Variants in ATXN7 observed in about 807,000 individuals in gnomAD.
ATXN7 encodes ataxin 7, also known as ataxin-7.
A neutral mutation model predicts 70.5 loss-of-function variants in ATXN7; 12 were observed. The ratio of observed to expected loss-of-function variants is 0.17; its 90% CI spans 0.11 to 0.28. The LOEUF is 0.28. Among genes scored for constraint, ATXN7 ranks in the 10% least tolerant of loss-of-function variants. The pLI, the probability that ATXN7 is intolerant of heterozygous loss-of-function variation, is 1.00. For synonymous variants in ATXN7, 498 were observed against 448.7 expected (o/e 1.11, Z -1.39); for missense variants, 1,256 against 1,131.7 (o/e 1.11, Z -1.58).
At chr3:63,958,612 T>TAAAAA (rs2075074521) in intron 5 of ATXN7, among the ~76,000 whole-genome samples, 2 of 152,366 alleles carry the variant, frequency 1.3e-5, no homozygotes, top group South Asian at 4.1e-4. Context: ...CAGATAGTTT[T>TAAAAA]TAACATGTCA....
At chr3:63,938,088 A>G (rs763824926) in intron 4 of ATXN7, among the ~76,000 whole-genome samples, 5 of 152,192 alleles carry the variant, frequency 3.3e-5, no homozygotes, top group Admixed American at 6.5e-5. Flanking sequence ...ATCAATCTGA[A>G]TTGTAGCTGG....
chr3:63,902,955 G>A (rs1260126209), intron 2 of ATXN7, among the ~76,000 whole-genome samples: 3 of 151,880 alleles, frequency 2.0e-5, no homozygotes, highest in Non-Finnish European at 2.9e-5. Context: ...CTAATAAAAA[G>A]TTCCTTTAAG....
intron 4 of ATXN7, among the ~76,000 whole-genome samples, chr3:63,945,890 A>G (rs1408680304): frequency 6.6e-6 from 1 of 152,238 alleles, no homozygotes; most frequent in African/African-American, 2.4e-5. Context: ...AAGAGCAGCA[A>G]GTACCACACA....
At chr3:63,912,116 G>T (rs897732145) in intron 2 of ATXN7, 1 of 152,236 alleles carries the variant, frequency 6.6e-6, no homozygotes. Context: ...CCGCTCGGAC[G>T]GACGCGCGGA....
intron 4 of ATXN7, among the ~76,000 whole-genome samples, chr3:63,950,671 A>G (rs1054592878): frequency 8.5e-5 from 13 of 152,210 alleles, no homozygotes; most frequent in African/African-American, 2.9e-4. Flanking sequence ...AATCTTGGAA[A>G]GTGACTTATT....
chr3:63,892,988 T>G (rs1274402649), intron 1 of ATXN7, among the ~76,000 whole-genome samples: 1 of 152,178 alleles, frequency 6.6e-6, no homozygotes, highest in Non-Finnish European at 1.5e-5. Flanking sequence ...GGAATTGTGG[T>G]GTATTGCAGT....
In ATXN7 at chr3:63,995,536, C is replaced by T. The variant is rs754220816; in HGVS notation, c.1714C>T (p.Pro572Ser). ...KIPPVPSTTS[P>S]ISTRIPHRTN... ...CCCACCAGTGCCCAGTACCACCTCA[C>T]CCATCTCCACACGTATTCCTCACCG... The change falls in exon 12 of 13, where the codon CCC becomes TCC. Residue 572 changes from proline to serine, a missense_variant. Physicochemically the swap from Pro to Ser is moderately conservative, Grantham distance 74. Coordinates refer to ENST00000674280, the MANE Select transcript of ATXN7 (RefSeq NM_001377405.1). The T allele has an allele frequency of 9.9e-6, 16 of 1,614,172 alleles. No homozygotes were observed. Among genetic ancestry groups the T allele is most frequent in the Non-Finnish European group, 1.0e-5 (12 of 1,180,028 alleles).
chr3:63,930,064 G>A (rs1489982931), intron 4 of ATXN7, among the ~76,000 whole-genome samples: 2 of 152,092 alleles, frequency 1.3e-5, no homozygotes, highest in African/African-American at 4.8e-5. Flanking sequence ...AAATGGTTAT[G>A]ACTAAATAGG....
At chr3:63,967,670 C>T in intron 5 of ATXN7, 1 of 840,662 alleles carries the variant, frequency 1.2e-6, no homozygotes, top group South Asian at 4.0e-5. Flanking sequence ...GTTGCCTTTC[C>T]AATAGAAAGA....
chr3:63,918,314 A>G (rs1171587577), intron 4 of ATXN7, among the ~76,000 whole-genome samples: 1 of 152,178 alleles, frequency 6.6e-6, no homozygotes, highest in Non-Finnish European at 1.5e-5. Flanking sequence ...TTAATGGAAA[A>G]CAGGTGTTTG....
intron 11 of ATXN7, among the ~76,000 whole-genome samples, chr3:63,994,981 C>G (rs186532473): frequency 1.1e-4 from 17 of 152,356 alleles, no homozygotes; most frequent in African/African-American, 4.1e-4. Context: ...TAGTTATGAC[C>G]TAGCAGTTGC....
intron 5 of ATXN7, among the ~76,000 whole-genome samples, chr3:63,962,423 G>C (rs959136403): frequency 2.0e-5 from 3 of 151,488 alleles, no homozygotes; most frequent in African/African-American, 7.3e-5. Flanking sequence ...TTGTTTTTTT[G>C]AGACAGAGTC....
intron 1 of ATXN7, among the ~76,000 whole-genome samples, chr3:63,879,558 C>A (rs1702846369): frequency 6.7e-6 from 1 of 148,508 alleles, no homozygotes; most frequent in Admixed American, 6.8e-5. Context: ...GTGGCGCGAT[C>A]TCGGCTCACT....
At chr3:63,888,425 T>C (rs2107239322) in intron 1 of ATXN7, among the ~76,000 whole-genome samples, 1 of 152,338 alleles carries the variant, frequency 6.6e-6, no homozygotes, top group Non-Finnish European at 1.5e-5. Context: ...CTGTGTCATC[T>C]TATCATGTGT....
chr3:63,880,576 G>A (rs1702879587), intron 1 of ATXN7, among the ~76,000 whole-genome samples: 1 of 152,126 alleles, frequency 6.6e-6, no homozygotes, highest in Admixed American at 6.6e-5. Flanking sequence ...AAGTGCTCTG[G>A]CTTTTTAGTT....
At chr3:63,947,071 G>A (rs2074876074) in intron 4 of ATXN7, among the ~76,000 whole-genome samples, 1 of 152,154 alleles carries the variant, frequency 6.6e-6, no homozygotes, top group Non-Finnish European at 1.5e-5. Context: ...TAAACCTTGG[G>A]TGTGCTATAT....
At chr3:63,913,337 C>T (rs1197681634) in intron 4 of ATXN7, 112 bp downstream of exon 4, 8 of 1,149,386 alleles carry the variant, frequency 7.0e-6, no homozygotes, top group South Asian at 5.5e-5. Flanking sequence ...CTCCCCGTGC[C>T]TGCGAAGATG....
At chr3:63,899,613 T>C (rs892609675) in intron 2 of ATXN7, among the ~76,000 whole-genome samples, 4 of 143,116 alleles carry the variant, frequency 2.8e-5, no homozygotes, top group Non-Finnish European at 6.3e-5. Flanking sequence ...ACTCTAGAAA[T>C]TTTTTTTTTC....
intron 8 of ATXN7, among the ~76,000 whole-genome samples, chr3:63,987,575 A>C: frequency 6.6e-6 from 1 of 152,152 alleles, no homozygotes; most frequent in Admixed American, 6.5e-5. Flanking sequence ...AATTGTGTTT[A>C]ATTTTTATTC....
Sources: gnomAD v4.1 joint callset for allele counts (sites outside exome capture counted in the v4.1 genomes callset) on GRCh38, gnomAD v4.1.1 for gene constraint, MANE v1.5 for transcripts, NCBI Gene and HGNC (gene_info 2026-07-23, HGNC 2026-07-21) for gene names.